Variants in NEMF observed in about 807,000 individuals in gnomAD.
The protein encoded by NEMF is ribosome quality control complex subunit NEMF.
In NEMF, 89 loss-of-function variants were observed where a neutral mutation model predicts 162.2. That is an observed-to-expected ratio of 0.55 (90% CI 0.46 to 0.65). The LOEUF (loss-of-function observed/expected upper bound fraction) is 0.65. Among genes scored for constraint, NEMF ranks in the 30% least tolerant of loss-of-function variants. NEMF has a pLI of 0.00. For synonymous variants in NEMF, 421 were observed against 404.5 expected, an observed-to-expected ratio of 1.04 and a Z score of -0.49; for missense variants, 1,133 against 1,261.9, an observed-to-expected ratio of 0.90 and a Z score of 1.55.
In NEMF at chr14:49,836,270, T is replaced by C. The variant is rs1366610757; in HGVS notation, c.575-1821A>G. ...CTCCAGCCTGGGCAACAGAATGAGA[T>C]TGTCTCAAATAATAGTAATAATGTA... On this transcript the variant is annotated intron_variant, in intron 6 of 32. Transcript: ENST00000298310. Among the ~76,000 whole-genome samples, 4 of 150,782 alleles carry C rather than the reference T, an allele frequency of 2.7e-5. 1 individual carries two copies. The highest frequency in any genetic ancestry group is 4.2e-4 in the South Asian group (2 of 4,744).
At chr14:49,842,335 T>C (rs1344596037) in intron 4 of NEMF, among the ~76,000 whole-genome samples, 3 of 152,196 alleles carry the variant, frequency 2.0e-5, no homozygotes, top group African/African-American at 4.8e-5. Flanking sequence ...GGAAGGCATA[T>C]GTAGGCTAAA....
chr14:49,805,207 T>C (rs75336901), intron 19 of NEMF, among the ~76,000 whole-genome samples: 3,332 of 152,200 alleles, frequency 0.022, 140 homozygotes, highest in African/African-American at 0.076. Context: ...GATATAAAAA[T>C]GAAACTAAAT....
intron 11 of NEMF, among the ~76,000 whole-genome samples, chr14:49,830,056 A>G (rs1268795380): frequency 6.6e-6 from 1 of 152,218 alleles, no homozygotes; most frequent in Non-Finnish European, 1.5e-5. Context: ...GCATTTTATC[A>G]TATATACTTT....
At chr14:49,829,716 A>T (rs1413979350) in intron 11 of NEMF, among the ~76,000 whole-genome samples, 1 of 152,240 alleles carries the variant, frequency 6.6e-6, no homozygotes, top group Non-Finnish European at 1.5e-5. Context: ...TCAAACAGGC[A>T]GAAATCAAGA....
intron 4 of NEMF, among the ~76,000 whole-genome samples, chr14:49,845,238 G>A (rs929157470): frequency 6.6e-6 from 1 of 152,012 alleles, no homozygotes; most frequent in Non-Finnish European, 1.5e-5. Flanking sequence ...GATTATAGGT[G>A]CCCGCCACCA....
At position 49,826,462 on chromosome 14, in the gene NEMF, G is replaced by C. The variant is rs3126205; in HGVS notation, c.1489-507C>G. 1.5e-4 allele frequency among the ~76,000 whole-genome samples: 23 copies of C among 151,002 alleles called. No homozygotes were observed. In the East Asian group the frequency reaches 4.3e-3, roughly 28 times the overall value. On this transcript the variant is annotated intron_variant, in intron 15 of 32. Coordinates refer to ENST00000298310, the MANE Select transcript of NEMF (RefSeq NM_004713.6). ...GGTTATGGTCAAAGAAGGTATCTCT[G>C]AGGAAATGACATTTAAGCTGAATCC...
intron 11 of NEMF, 56 bp from the exon 12 acceptor site, chr14:49,829,482 C>T (rs1305651874): frequency 7.3e-7 from 1 of 1,365,190 alleles, no homozygotes; most frequent in African/African-American, 1.4e-5. Flanking sequence ...CTCATGACAT[C>T]CCTCTCTTAC....
Position 49,791,727 on chromosome 14 carries a change from A to C in NEMF, c.2620-2154T>G, listed in dbSNP as rs1347024963. Among the ~76,000 whole-genome samples the C allele has an allele frequency of 3.5e-5, 3 of 85,810 alleles. No individual in the cohort carries two copies. The East Asian group carries it at 1.0e-3, about 29-fold the overall frequency. The allele number at this position is 85,810 out of a possible 152,430, so 56.3% of individuals were successfully genotyped here. A position where few individuals can be genotyped will look rare whatever the true frequency, so the allele number is the denominator to read the frequency against. ...ACTCCAGCCTGGGCAACAGAGCGAG[A>C]CTCCATTTAAAAAAAAAAAAAAAAA... is the stretch of plus-strand genomic sequence containing the variant. On this transcript the variant is annotated intron_variant, in intron 26 of 32. Coordinates refer to ENST00000298310, the MANE Select transcript of NEMF (RefSeq NM_004713.6).
intron 6 of NEMF, among the ~76,000 whole-genome samples, chr14:49,836,220 A>G (rs1892895767): frequency 6.6e-6 from 1 of 152,156 alleles, no homozygotes. Flanking sequence ...TGGAGGTTGC[A>G]GTGAGCCGAG....
chr14:49,832,087 T>G lies in NEMF; in HGVS notation c.846A>C (p.Ser282=), dbSNP rs148876540. 364 of 1,608,128 alleles carry G rather than the reference T, an allele frequency of 2.3e-4. No individual in the cohort carries two copies. The African/African-American group carries it at 3.8e-3, about 17-fold the overall frequency. ...ATTCAAATTCTATATATGGACATTGTGAATGTTGAGAAAACAAGAAAGGAT... is the reference window on the plus strand; with the variant it reads ...ATTCAAATTCTATATATGGACATTGGGAATGTTGAGAAAACAAGAAAGGAT... The part of the protein sequence containing the change: ...EFHPFLFSQH[S]QCPYIEFESF... The change falls in exon 10 of 33, where the codon TCA becomes TCC. Residue 282 remains serine, a synonymous_variant. Coordinates refer to ENST00000298310, the MANE Select transcript of NEMF (RefSeq NM_004713.6).
chr14:49,799,235 G>GAAAAAAAAAAAAAAAAAAAAAAAAAAAA (rs1402728880), intron 25 of NEMF, among the ~76,000 whole-genome samples: 1 of 54,960 alleles, frequency 1.8e-5, no homozygotes, highest in African/African-American at 6.2e-5. Context: ...AAAAAAAAAG[G>GAAAAAAAAAAAAAAAAAAAAAAAAAAAA]AAAATGTTAA....
In NEMF at chr14:49,783,050, G is replaced by T; in HGVS notation, c.*1586C>A. ...TTGTATAATTATATGCATTGTTGTA[G>T]TTTGCACCTGTTGGTTTTAATGTGC... is the stretch of plus-strand genomic sequence containing the variant. On this transcript the variant is annotated 3_prime_UTR_variant, in exon 33 of 33. Coordinates refer to ENST00000298310, the MANE Select transcript of NEMF (RefSeq NM_004713.6). 7.7e-7 allele frequency: 1 copy of T among 1,304,766 alleles called. No homozygotes were observed. The highest frequency in any genetic ancestry group is 2.3e-5 in the Admixed American group (1 of 42,848). The allele number at this position is 1,304,766 out of a possible 1,614,324, so 80.8% of individuals were successfully genotyped here.
chr14:49,831,773 A>C (rs181674611), intron 10 of NEMF, among the ~76,000 whole-genome samples: 181 of 152,290 alleles, frequency 1.2e-3, no homozygotes, highest in African/African-American at 4.2e-3. Flanking sequence ...GTGTTTCATA[A>C]CACCACTCAA....
rs565611348 is a variant in NEMF, at chr14:49,838,174, C to T, written c.539G>A (p.Gly180Asp). The T allele has an allele frequency of 5.6e-6, 9 of 1,613,930 alleles. No homozygotes were observed. In the East Asian group the frequency reaches 2.0e-4, roughly 36 times the overall value. The change falls in exon 6 of 33, where the codon GGT (glycine) becomes GAT (aspartate). Residue 180 changes from glycine (G) to aspartate (D), a missense_variant. By Grantham distance (94) the Gly-to-Asp change is moderately conservative. Coordinates refer to ENST00000298310, the MANE Select transcript of NEMF (RefSeq NM_004713.6). ...GTTAAGCACCCTCTTCAGTAGTTCA[C>T]CCTTAGGTGCGCTGGCTACTATTTC... is the stretch of plus-strand genomic sequence containing the variant. ...LTEIVASAPK[G>D]ELLKRVLNPL... is the part of the protein sequence containing the mutation.
intron 25 of NEMF, among the ~76,000 whole-genome samples, chr14:49,798,277 T>C (rs943660857): frequency 2.0e-5 from 3 of 152,258 alleles, no homozygotes; most frequent in African/African-American, 4.8e-5. Flanking sequence ...TTGAACCTCA[T>C]GGTAGTAGGA....
At chr14:49,846,116 C>A in intron 4 of NEMF, 24 bp downstream of exon 4, 1 of 1,604,342 alleles carries the variant, frequency 6.2e-7, no homozygotes, top group Non-Finnish European at 8.5e-7. Context: ...TTTTCCTTCA[C>A]CATATCCCAC....
Position 49,852,748 on chromosome 14 carries a change from C to G in NEMF, c.6G>C (p.Lys2Asn). The G allele has an allele frequency of 6.2e-7, 1 of 1,614,236 alleles. No homozygotes were observed. Among genetic ancestry groups the G allele is most frequent in the Non-Finnish European group, 8.5e-7 (1 of 1,180,046 alleles). M[K>N]SRFSTIDLRA... ...GGAGGTCAATGGTGCTAAAGCGGCT[C>G]TTCATGGCGAGGCCCGAGGGTCACT... The change falls in exon 1 of 33, where the codon AAG (lysine) becomes AAC (asparagine). Residue 2 changes from lysine to asparagine, a missense_variant. Lys to Asn is a moderately conservative substitution (Grantham distance 94). Around this residue, in one of 3 missense-constraint regions of NEMF, gnomAD observed 582 missense variants for 631.5 expected, o/e 0.92. Transcript: ENST00000298310.
At chr14:49,829,492 C>A (rs1409970248) in intron 11 of NEMF, 66 bp from the exon 12 acceptor site, 3 of 1,255,202 alleles carry the variant, frequency 2.4e-6, no homozygotes, top group Non-Finnish European at 3.4e-6. Flanking sequence ...CCCTCTCTTA[C>A]TTCCCAACAC....
chr14:49,823,171 C>A (rs114861387), intron 16 of NEMF, among the ~76,000 whole-genome samples: 3,330 of 151,860 alleles, frequency 0.022, 141 homozygotes, highest in African/African-American at 0.076. Flanking sequence ...AACTCCTAAC[C>A]CCCAGTGATC....
Sources: gnomAD v4.1 joint callset for allele counts (sites outside exome capture counted in the v4.1 genomes callset) on GRCh38, gnomAD v4.1.1 for gene constraint, gnomAD v4.1.1 regional missense constraint, MANE v1.5 for transcripts, NCBI Gene and HGNC (gene_info 2026-07-23, HGNC 2026-07-21) for gene names.